TAFA5: variants seen among roughly 807,000 people sequenced by gnomAD.
TAFA5 encodes chemokine-like protein TAFA-5.
Under a neutral mutation model 15.3 loss-of-function variants are expected in TAFA5, and 6 were observed. That is an observed-to-expected ratio of 0.39 (90% CI 0.21 to 0.77). TAFA5 has a LOEUF of 0.77. TAFA5 is among the 30% of genes least tolerant of loss of function. The pLI, the probability that TAFA5 is intolerant of heterozygous loss-of-function variation, is 0.41. For synonymous variants in TAFA5, 103 were observed against 80.7 expected, an observed-to-expected ratio of 1.28 and a Z score of -1.48; for missense variants, 161 against 193.1, an observed-to-expected ratio of 0.83 and a Z score of 0.98.
intron 1 of TAFA5, among the ~76,000 whole-genome samples, chr22:48,592,837 T>C (rs1044897051): frequency 3.9e-5 from 6 of 152,106 alleles, no homozygotes; most frequent in Non-Finnish European, 5.9e-5. Context: ...GGAGCATTCC[T>C]GGAGCTTCCC....
chr22:48,542,177 ATG>A (rs1417674994), intron 1 of TAFA5, among the ~76,000 whole-genome samples: 1,123 of 87,332 alleles, frequency 0.013, 16 homozygotes, highest in African/African-American at 0.054. Context: ...TGCATGTGTG[ATG>A]TGTGTGTCGT....
intron 1 of TAFA5, among the ~76,000 whole-genome samples, chr22:48,557,375 G>A (rs577931412): frequency 2.1e-4 from 32 of 152,292 alleles, no homozygotes; most frequent in African/African-American, 6.3e-4. Flanking sequence ...GGGCGGCGCC[G>A]GGAGGAAGCA....
At chr22:48,679,237 A>G (rs1054291654) in intron 2 of TAFA5, among the ~76,000 whole-genome samples, 1 of 72,700 alleles carries the variant, frequency 1.4e-5, no homozygotes. Context: ...CTGGCTCCCC[A>G]GCTCCCCGTC....
In TAFA5 at chr22:48,598,062, C is replaced by T. The variant is rs28410969; in HGVS notation, c.113-48535C>T. On this transcript the variant is annotated intron_variant, in intron 1 of 3. Coordinates refer to ENST00000402357, the MANE Select transcript of TAFA5 (RefSeq NM_001082967.3). The surrounding 1 kb of genome is among the most constrained non-coding windows in gnomAD (Gnocchi z 4.0). The stretch of plus-strand genomic sequence containing the variant: ...TTCCCTTTTTAAAAATAAGCTTCTG[C>T]AGTTTCAGAGGCTGTCAGTATGACA... Among the ~76,000 whole-genome samples the T allele has an allele frequency of 0.13, 20,305 of 152,202 alleles. 1,721 individuals carry two copies. The highest frequency in any genetic ancestry group is 0.23 in the East Asian group (1,196 of 5,160).
chr22:48,671,323 C>T (rs1251355501), intron 2 of TAFA5, among the ~76,000 whole-genome samples: 1 of 152,230 alleles, frequency 6.6e-6, no homozygotes, highest in African/African-American at 2.4e-5. Context: ...GCCTGGAAGC[C>T]CCACCAGCCC....
intron 1 of TAFA5, among the ~76,000 whole-genome samples, chr22:48,571,574 GT>G (rs57578802): frequency 0.013 from 382 of 29,220 alleles, 7 homozygotes; most frequent in African/African-American, 0.039. Context: ...TGCCTGGCCT[GT>G]TTTTTTTTTT....
rs80045578 is a variant in TAFA5, at chr22:48,713,292, C to T, written c.390+5448C>T. Among the ~76,000 whole-genome samples the T allele has an allele frequency of 9.2e-3, 1,401 of 152,320 alleles. 17 individuals are homozygous for T. The highest frequency in any genetic ancestry group is 0.031 in the Middle Eastern group (9 of 294). On this transcript the variant is annotated intron_variant, in intron 3 of 3. Coordinates refer to ENST00000402357, the MANE Select transcript of TAFA5 (RefSeq NM_001082967.3). ...CTGAGGACGTGCAGACGGCAGCTGC[C>T]GCTGATCTCGTGGGGGCTCGGATGT...
chr22:48,651,657 C>G (rs886386554), intron 2 of TAFA5, among the ~76,000 whole-genome samples: 2 of 152,142 alleles, frequency 1.3e-5, no homozygotes, highest in African/African-American at 4.8e-5. Context: ...GACGCGCAGC[C>G]TTAGGCGGGT....
intron 1 of TAFA5, among the ~76,000 whole-genome samples, chr22:48,615,449 C>T (rs1439914162): frequency 1.3e-5 from 2 of 152,212 alleles, no homozygotes; most frequent in African/African-American, 4.8e-5. Context: ...CCGTGTTCCT[C>T]TCGGATGGGC....
At position 48,707,848 on chromosome 22, in the gene TAFA5, T is replaced by G; in HGVS notation, c.390+4T>G. 6.2e-7 allele frequency: 1 copy of G among 1,612,104 alleles called. No homozygotes were observed. The highest frequency in any genetic ancestry group is 8.5e-7 in the Non-Finnish European group (1 of 1,179,152). On this transcript the variant is annotated splice_donor_region_variant and intron_variant, in intron 3 of 3. Transcript: ENST00000402357. ...CGGGAGGATAAAGACCACCACGGTA[T>G]GTGGCCCTCGGCTTTCTCGTGGGTG...
At chr22:48,506,980 G>A (rs1255576440) in intron 1 of TAFA5, among the ~76,000 whole-genome samples, 2 of 152,244 alleles carry the variant, frequency 1.3e-5, no homozygotes, top group East Asian at 3.9e-4. Flanking sequence ...GGGGGGACTG[G>A]GCACCGAGTG....
intron 1 of TAFA5, among the ~76,000 whole-genome samples, chr22:48,604,631 G>A (rs1365549647): frequency 6.6e-6 from 1 of 152,200 alleles, no homozygotes; most frequent in Non-Finnish European, 1.5e-5. Flanking sequence ...TTTCTCCCAT[G>A]GAAGGTGAGC....
At position 48,743,021 on chromosome 22, in the gene TAFA5, C is replaced by T. The variant is rs773585107; in HGVS notation, c.391-6818C>T. Among the ~76,000 whole-genome samples the T allele has an allele frequency of 1.4e-4, 21 of 152,312 alleles. 1 individual carries two copies. The highest frequency in any genetic ancestry group is 2.8e-4 in the Non-Finnish European group (19 of 68,018). ...CCAGTCAACATCCCCAGGACTCACTCGGGTCAGGCACAGTGTCCAAGCTGT... is the reference window on the plus strand; with the variant it reads ...CCAGTCAACATCCCCAGGACTCACTTGGGTCAGGCACAGTGTCCAAGCTGT... On this transcript the variant is annotated intron_variant, in intron 3 of 3. Coordinates refer to ENST00000402357, the MANE Select transcript of TAFA5 (RefSeq NM_001082967.3).
chr22:48,653,221 G>C (rs55776362), intron 2 of TAFA5, among the ~76,000 whole-genome samples: 1 of 152,152 alleles, frequency 6.6e-6, no homozygotes, highest in Non-Finnish European at 1.5e-5. Context: ...ACACCCCTCC[G>C]TTCCATTCTG....
At chr22:48,707,634 G>A in intron 2 of TAFA5, 83 bp from the exon 3 acceptor site, 1 of 1,521,964 alleles carries the variant, frequency 6.6e-7, no homozygotes, top group Non-Finnish European at 8.9e-7. Context: ...CCCCCAGCCA[G>A]TGCCAGGACC....
Position 48,718,051 on chromosome 22 carries a change from C to T in TAFA5, c.390+10207C>T, listed in dbSNP as rs545211708. Among the ~76,000 whole-genome samples, 14 of 152,286 alleles carry T rather than the reference C, an allele frequency of 9.2e-5. No homozygotes were observed. In the East Asian group the frequency reaches 2.3e-3, roughly 25 times the overall value. ...ACGAGCCCAGGTGGGCTGTGGAGCT[C>T]GTGGCCTTGCATGGCCAGGGCAGGG... On this transcript the variant is annotated intron_variant, in intron 3 of 3. Transcript: ENST00000402357.
rs117960911 is a variant in TAFA5, at chr22:48,593,072, C to T, written c.113-53525C>T. Among the ~76,000 whole-genome samples, 657 of 152,298 alleles carry T rather than the reference C, an allele frequency of 4.3e-3. 20 individuals are homozygous for T. The East Asian group carries it at 0.075, about 17-fold the overall frequency. On this transcript the variant is annotated intron_variant, in intron 1 of 3. Transcript: ENST00000402357. Reference sequence around the variant, plus strand: ...CAGCCGTCGGAACTGAGATGTCCTCCGGGAATCCCGACAGGAGCCGCAGCA... The same window carrying T: ...CAGCCGTCGGAACTGAGATGTCCTCTGGGAATCCCGACAGGAGCCGCAGCA...
At chr22:48,593,017 G>T (rs984392189) in intron 1 of TAFA5, among the ~76,000 whole-genome samples, 2 of 152,100 alleles carry the variant, frequency 1.3e-5, no homozygotes, top group Non-Finnish European at 2.9e-5. Flanking sequence ...TGAGTGGGGC[G>T]GGGGGGTCTG....
intron 1 of TAFA5, among the ~76,000 whole-genome samples, chr22:48,510,526 T>C (rs1199104980): frequency 6.6e-6 from 1 of 152,242 alleles, no homozygotes; most frequent in Non-Finnish European, 1.5e-5. Flanking sequence ...GTGCAAACCT[T>C]CATTCTGTAA....
Sources: gnomAD v4.1 joint callset for allele counts (sites outside exome capture counted in the v4.1 genomes callset) on GRCh38, gnomAD v4.1.1 for gene constraint, Gnocchi (gnomAD v3.1) non-coding constraint, MANE v1.5 for transcripts, NCBI Gene and HGNC (gene_info 2026-07-23, HGNC 2026-07-21) for gene names.